The following GINS3 variants were observed in gnomAD, a reference collection of about 807,000 sequenced individuals.
GINS3 encodes the protein GINS complex subunit 3, also known as DNA replication complex GINS protein PSF3.
A neutral mutation model predicts 20.0 loss-of-function variants in GINS3; 18 were observed. The ratio of observed to expected loss-of-function variants is 0.90; its 90% CI spans 0.62 to 1.33. The LOEUF is 1.33. Among genes scored for constraint, GINS3 ranks in the 40% most tolerant of loss-of-function variants. The pLI, the probability that GINS3 is intolerant of heterozygous loss-of-function variation, is 0.00. For synonymous variants in GINS3, 109 were observed against 107.0 expected (o/e 1.02, Z -0.12); for missense variants, 254 against 273.6 (o/e 0.93, Z 0.51).
Position 58,392,481 on chromosome 16 carries a change from C to T in GINS3, c.-121C>T. On this transcript the variant is annotated 5_prime_UTR_variant, in exon 1 of 3. Coordinates refer to ENST00000318129, the MANE Select transcript of GINS3 (RefSeq NM_022770.4). ...GTCCCCGGGCGCGGGAAACGAGTTT[C>T]AATCCACTTTCCTGACCCCAACCAT... The T allele has an allele frequency of 8.7e-7, 1 of 1,143,896 alleles. No individual in the cohort carries two copies. The highest frequency in any genetic ancestry group is 1.2e-6 in the Non-Finnish European group (1 of 801,334). 70.9% of individuals were successfully genotyped at this position (1,143,896 alleles called of 1,614,324 possible). A position where few individuals can be genotyped will look rare whatever the true frequency, so the allele number is the denominator to read the frequency against.
intron 1 of GINS3, among the ~76,000 whole-genome samples, chr16:58,399,306 G>T (rs1455707794): frequency 6.7e-6 from 1 of 150,018 alleles, no homozygotes; most frequent in Non-Finnish European, 1.5e-5. Flanking sequence ...AAAAAAAATT[G>T]AAAAAATGTT....
chr16:58,396,758 G>T (rs1395343387), intron 1 of GINS3, among the ~76,000 whole-genome samples: 1 of 129,592 alleles, frequency 7.7e-6, no homozygotes, highest in Non-Finnish European at 1.7e-5. Context: ...TGGCCGGGCG[G>T]GGGGCTGACC....
Position 58,404,813 on chromosome 16 carries a change from C to A in GINS3, c.*84C>A. 1.1e-6 allele frequency: 1 copy of A among 926,242 alleles called. No homozygotes were observed. Among genetic ancestry groups the A allele is most frequent in the Non-Finnish European group, 1.7e-6 (1 of 591,878 alleles). The allele number at this position is 926,242 out of a possible 1,614,324, so 57.4% of individuals were successfully genotyped here. A position where few individuals can be genotyped will look rare whatever the true frequency, so the allele number is the denominator to read the frequency against. On this transcript the variant is annotated 3_prime_UTR_variant, in exon 3 of 3. Coordinates refer to ENST00000318129, the MANE Select transcript of GINS3 (RefSeq NM_022770.4). ...GGAGCTGGTTGACCTTGTACAGAAC[C>A]AGAATCCTGTCCCATTTCATGGCTT...
At chr16:58,394,347 G>GT (rs924095765) in intron 1 of GINS3, among the ~76,000 whole-genome samples, 4 of 151,864 alleles carry the variant, frequency 2.6e-5, no homozygotes, top group African/African-American at 9.7e-5. Flanking sequence ...TTTTGGTTTT[G>GT]TTTTTTTGTT....
chr16:58,397,132 T>A (rs1479841093), intron 1 of GINS3, among the ~76,000 whole-genome samples: 3 of 129,888 alleles, frequency 2.3e-5, no homozygotes, highest in African/African-American at 8.9e-5. Flanking sequence ...TCCCAGACGG[T>A]GTAGCTGCCG....
chr16:58,396,070 G>C (rs1206464777), intron 1 of GINS3, among the ~76,000 whole-genome samples: 1 of 143,970 alleles, frequency 6.9e-6, no homozygotes, highest in Non-Finnish European at 1.5e-5. Flanking sequence ...CGGACGGGGC[G>C]GCTGGCCGGG....
chr16:58,395,849 C>T (rs887243008), intron 1 of GINS3, among the ~76,000 whole-genome samples: 1 of 152,178 alleles, frequency 6.6e-6, no homozygotes, highest in African/African-American at 2.4e-5. Context: ...CTGTTGAGTA[C>T]ACCTCCCAGA....
intron 1 of GINS3, 147 bp downstream of exon 1, chr16:58,392,934 A>T: frequency 1.2e-6 from 1 of 829,856 alleles, no homozygotes; most frequent in South Asian, 1.9e-5. Flanking sequence ...GACTTCTCGG[A>T]AACTCCGCGG....
intron 1 of GINS3, chr16:58,395,103 GT>G: frequency 1.8e-6 from 1 of 550,158 alleles, no homozygotes. Context: ...TTGAGACAGG[GT>G]TTTGCTCTGT....
At chr16:58,397,092 G>A (rs1965885293) in intron 1 of GINS3, among the ~76,000 whole-genome samples, 1 of 151,978 alleles carries the variant, frequency 6.6e-6, no homozygotes, top group African/African-American at 2.4e-5. Context: ...TCCTGGATGG[G>A]GTGGCTGCCG....
intron 1 of GINS3, among the ~76,000 whole-genome samples, chr16:58,396,842 C>T (rs1482378728): frequency 1.5e-5 from 2 of 131,020 alleles, no homozygotes; most frequent in Non-Finnish European, 3.3e-5. Context: ...GGCGGCCGGG[C>T]AGAGGCGCCC....
At chr16:58,401,163 T>C (rs1765948843) in intron 1 of GINS3, among the ~76,000 whole-genome samples, 1 of 152,096 alleles carries the variant, frequency 6.6e-6, no homozygotes, top group African/African-American at 2.4e-5. Context: ...CCGAAGACCC[T>C]TGTGGTGAGT....
Position 58,403,209 on chromosome 16 carries a change from T to C in GINS3, c.298T>C (p.Phe100Leu), listed in dbSNP as rs1270563251. 8 of 1,614,194 alleles carry C rather than the reference T, an allele frequency of 5.0e-6. No individual in the cohort carries two copies. The highest frequency in any genetic ancestry group is 5.9e-6 in the Non-Finnish European group (7 of 1,180,032). Residue 100 changes from phenylalanine (F) to leucine (L), a missense_variant, in exon 2 of 3, where the codon TTC (phenylalanine) becomes CTC (leucine). By Grantham distance (22) the Phe-to-Leu change is conservative. Coordinates refer to ENST00000318129, the MANE Select transcript of GINS3 (RefSeq NM_022770.4). Reference protein sequence around the residue: ...KIYQEGWRTVFSADPNVVDLH... With the variant: ...KIYQEGWRTVLSADPNVVDLH... ...CTACCAAGAGGGTTGGAGGACTGTG[T>C]TCAGTGCAGATCCCAATGTGGTGGA...
intron 1 of GINS3, chr16:58,395,058 C>A: frequency 1.9e-6 from 1 of 529,610 alleles, no homozygotes; most frequent in Non-Finnish European, 3.3e-6. Flanking sequence ...TTAACTAAAA[C>A]TTTGACCATT....
In GINS3 at chr16:58,392,803, C is replaced by T. The variant is rs760357980; in HGVS notation, c.186+16C>T. ...GGTCCCACAGGTGAGCCTTTGGGTG[C>T]GGGGTCCTGCCCGGAAAGACTGCAG... On this transcript the variant is annotated intron_variant, in intron 1 of 2. Coordinates refer to ENST00000318129, the MANE Select transcript of GINS3 (RefSeq NM_022770.4). The T allele has an allele frequency of 1.5e-5, 23 of 1,577,116 alleles. No homozygotes were observed. The highest frequency in any genetic ancestry group is 2.3e-5 in the South Asian group (2 of 88,100).
At chr16:58,401,049 A>G (rs1018598720) in intron 1 of GINS3, among the ~76,000 whole-genome samples, 1 of 151,834 alleles carries the variant, frequency 6.6e-6, no homozygotes, top group Non-Finnish European at 1.5e-5. Context: ...CCCTGAGCCC[A>G]TGTGATTTGC....
intron 1 of GINS3, chr16:58,402,859 A>C (rs993397734): frequency 7.2e-6 from 4 of 554,302 alleles, no homozygotes; most frequent in African/African-American, 3.8e-5. Context: ...CTTATGCTAC[A>C]TTTTTGTTCA....
At chr16:58,402,480 C>G (rs752585754) in intron 1 of GINS3, among the ~76,000 whole-genome samples, 1 of 152,188 alleles carries the variant, frequency 6.6e-6, no homozygotes, top group African/African-American at 2.4e-5. Context: ...AGTTTTGGCT[C>G]TTACTGCTTC....
At chr16:58,399,302 A>AAG (rs1555519754) in intron 1 of GINS3, among the ~76,000 whole-genome samples, 1,983 of 151,610 alleles carry the variant, frequency 0.013, 10 homozygotes, top group Non-Finnish European at 0.021. Context: ...AAAAAAAAAA[A>AAG]ATTGAAAAAA....
Sources: gnomAD v4.1 joint callset for allele counts (sites outside exome capture counted in the v4.1 genomes callset) on GRCh38, gnomAD v4.1.1 for gene constraint, MANE v1.5 for transcripts, NCBI Gene and HGNC (gene_info 2026-07-23, HGNC 2026-07-21) for gene names.